BLTP1: variants seen among roughly 807,000 people sequenced by gnomAD.
The protein encoded by BLTP1 is bridge-like lipid transfer protein family member 1, also known as fragile site-associated protein.
chr4:122,318,100 A>T, the BLTP1 span: 1 of 1,564,708 alleles, frequency 6.4e-7, no homozygotes. Flanking sequence ...AATCAGTCTT[A>T]CTTTGTTATT....
the BLTP1 span, chr4:122,359,614 T>C: frequency 1.1e-4 from 177 of 1,612,634 alleles, no homozygotes; most frequent in African/African-American, 2.1e-3. Context: ...CCAATTATTA[T>C]ACATGACGAC....
the BLTP1 span, chr4:122,247,774 T>C: frequency 2.0e-6 from 2 of 1,001,860 alleles, no homozygotes; most frequent in Non-Finnish European, 2.4e-6. Flanking sequence ...GTCTGTAAAA[T>C]ACAGCAGCAA....
chr4:122,289,038 T>C, the BLTP1 span: 1 of 1,563,278 alleles, frequency 6.4e-7, no homozygotes, highest in Non-Finnish European at 8.7e-7. Flanking sequence ...AAGAAAAAAG[T>C]GTAAAGCTAA....
chr4:122,345,430 G>A, the BLTP1 span, among the ~76,000 whole-genome samples: 12 of 152,096 alleles, frequency 7.9e-5, no homozygotes, highest in African/African-American at 1.7e-4. Context: ...GCATCAAAAT[G>A]TATGCTTCTG....
chr4:122,339,203 T>G, the BLTP1 span: 12 of 1,611,188 alleles, frequency 7.4e-6, no homozygotes, highest in Non-Finnish European at 1.0e-5. Flanking sequence ...TCTGTTATTT[T>G]TAGCCCTCAC....
At chr4:122,246,915 A>G in the BLTP1 span, 1 of 1,498,540 alleles carries the variant, frequency 6.7e-7, no homozygotes. Flanking sequence ...ATGTAATGTT[A>G]AAACTCAGAA....
the BLTP1 span, chr4:122,211,051 A>G: frequency 6.2e-7 from 1 of 1,606,368 alleles, no homozygotes; most frequent in Non-Finnish European, 8.5e-7. Context: ...AGATTCTCAG[A>G]TAACTCTCTA....
chr4:122,180,166 T>C, the BLTP1 span: 1 of 985,274 alleles, frequency 1.0e-6, no homozygotes. Context: ...AGAAAGAATA[T>C]AGGATGTGAT....
chr4:122,207,615 T>C, the BLTP1 span: 1 of 1,607,844 alleles, frequency 6.2e-7, no homozygotes, highest in Non-Finnish European at 8.5e-7. Context: ...TCCAGCTACA[T>C]GTAATACCAA....
chr4:122,340,163 T>G, the BLTP1 span, among the ~76,000 whole-genome samples: 1 of 152,100 alleles, frequency 6.6e-6, no homozygotes, highest in Non-Finnish European at 1.5e-5. Flanking sequence ...ATTTTGATAG[T>G]CGTAACTGAG....
the BLTP1 span, chr4:122,280,143 G>T: frequency 2.0e-6 from 2 of 985,422 alleles, no homozygotes; most frequent in Non-Finnish European, 1.2e-6. Flanking sequence ...GATCATGTGA[G>T]AATGACTTTT....
the BLTP1 span, chr4:122,208,637 C>T: frequency 1.0e-6 from 1 of 984,412 alleles, no homozygotes; most frequent in South Asian, 4.7e-5. Flanking sequence ...ATTCTTTTCA[C>T]TGTTTGGAAA....
the BLTP1 span, among the ~76,000 whole-genome samples, chr4:122,154,703 G>C: frequency 5.3e-5 from 8 of 152,116 alleles, no homozygotes; most frequent in African/African-American, 9.6e-5. Context: ...GAAACCCCGT[G>C]TCTACTAAAA....
At chr4:122,361,409 C>G in the BLTP1 span, among the ~76,000 whole-genome samples, 1 of 152,126 alleles carries the variant, frequency 6.6e-6, no homozygotes, top group African/African-American at 2.4e-5. Flanking sequence ...ATAGAATACT[C>G]TGGGGCTAAC....
the BLTP1 span, chr4:122,189,086 T>A: frequency 1.0e-6 from 1 of 982,536 alleles, no homozygotes; most frequent in Non-Finnish European, 1.2e-6. Flanking sequence ...AAATCAGGAT[T>A]TTTTTGAAAA....
chr4:122,210,945 C>G, the BLTP1 span: 1 of 1,613,474 alleles, frequency 6.2e-7, no homozygotes, highest in South Asian at 1.1e-5. Context: ...AGACATCAGA[C>G]AGAGTTGTTT....
chr4:122,206,076 G>T, the BLTP1 span: 1 of 979,030 alleles, frequency 1.0e-6, no homozygotes, highest in South Asian at 4.7e-5. Flanking sequence ...CAAAATATAT[G>T]AACACAATTT....
the BLTP1 span, chr4:122,346,865 C>T: frequency 6.7e-7 from 1 of 1,501,044 alleles, no homozygotes; most frequent in East Asian, 2.3e-5. Context: ...GTGATGCGTT[C>T]AGTCATTCAA....
chr4:122,162,179 A>G, the BLTP1 span, among the ~76,000 whole-genome samples: 2 of 152,358 alleles, frequency 1.3e-5, no homozygotes, highest in South Asian at 2.1e-4. Context: ...TATTGAATGG[A>G]TAAGCAAAAA....
Sources: allele counts gnomAD v4.1 joint callset (sites outside exome capture counted in the v4.1 genomes callset), GRCh38; gene constraint gnomAD v4.1.1; transcripts MANE v1.5; gene names NCBI Gene and HGNC (gene_info 2026-07-23, HGNC 2026-07-21).